The following AMOT variants were observed in gnomAD, a reference collection of about 807,000 sequenced individuals.
AMOT encodes angiomotin.
A neutral mutation model predicts 67.0 loss-of-function variants in AMOT; 11 were observed. The ratio of observed to expected loss-of-function variants is 0.16; its 90% CI spans 0.10 to 0.27. The LOEUF is 0.27. Among genes scored for constraint, AMOT ranks in the 10% least tolerant of loss-of-function variants. The probability of loss-of-function intolerance (pLI) is 1.00; values close to 1 mark genes in which losing one functional copy is unlikely to be tolerated. For missense variants in AMOT, 753 were observed against 852.0 expected (o/e 0.88, Z 1.45); for synonymous variants, 326 against 321.4 (o/e 1.01, Z -0.15).
intron 10 of AMOT, among the ~76,000 whole-genome samples, chrX:112,785,052 G>C (rs1933322145): frequency 8.9e-6 from 1 of 111,789 alleles, no homozygotes; most frequent in South Asian, 3.8e-4. Context: ...GAAGACTAGG[G>C]CTACCAGGCC....
chrX:112,815,914 C>T, intron 4 of AMOT, 37 bp from the exon 5 acceptor site: 1 of 1,144,743 alleles, frequency 8.7e-7, no homozygotes, highest in East Asian at 3.3e-5. Flanking sequence ...GTTAATTTCT[C>T]TCCTAAGGCA....
chrX:112,815,546 G>A lies in AMOT; in HGVS notation c.1204C>T (p.Gln402Ter). Residue 402 changes from glutamine (Q) to a stop codon, truncating the protein, a stop_gained, in exon 5 of 14, where the codon CAG (glutamine) becomes TAG (stop). Coordinates refer to ENST00000371959, the MANE Select transcript of AMOT (RefSeq NM_001113490.2). LOFTEE classifies it high-confidence loss of function. ...ATAGCTGAATAGGCTTCTCCTGGCT[G>A]CTGCTGTGGCTGCTGCTGCTGCTGT... ...QQQQQQQPQQ[Q>*]PGEAYSAMPR... 1 of 1,211,278 alleles carries A rather than the reference G, an allele frequency of 8.3e-7. No homozygotes were observed. The highest frequency in any genetic ancestry group is 1.1e-6 in the Non-Finnish European group (1 of 895,238).
At chrX:112,795,245 T>TGTGTGTG (rs1933762942) in intron 8 of AMOT, among the ~76,000 whole-genome samples, 1 of 94,957 alleles carries the variant, frequency 1.1e-5, no homozygotes, top group African/African-American at 5.1e-5. Flanking sequence ...TCTGTCTCTC[T>TGTGTGTG]CTCTGTGTGT....
In AMOT at chrX:112,804,970, T is replaced by C; in HGVS notation, c.1753A>G (p.Lys585Glu). ...ACCTCTTCTTCCAGCTTTACCACCT[T>C]GGCCTGGGCATTACTCAGGGCCTGA... is the stretch of plus-strand genomic sequence containing the variant. ...RDQALSNAQA[K>E]VVKLEEELKK... Residue 585 changes from lysine (K) to glutamate (E), a missense_variant, in exon 8 of 14, where the codon AAG (lysine) becomes GAG (glutamate). Physicochemically the swap from Lys to Glu is moderately conservative, Grantham distance 56 (BLOSUM62 1). Transcript: ENST00000371959. 3.5e-6 allele frequency: 4 copies of C among 1,127,838 alleles called. No homozygotes were observed. Among genetic ancestry groups the C allele is most frequent in the Non-Finnish European group, 4.8e-6 (4 of 841,840 alleles). 92.9% of individuals were successfully genotyped at this position (1,127,838 alleles called of 1,213,427 possible).
At chrX:112,821,071 G>A (rs1414767952) in intron 4 of AMOT, among the ~76,000 whole-genome samples, 1 of 111,412 alleles carries the variant, frequency 9.0e-6, no homozygotes, top group East Asian at 2.8e-4. Flanking sequence ...GGAAATGCTA[G>A]GTGCCTTCTC....
chrX:112,824,843 G>A (rs1353143394), intron 3 of AMOT, among the ~76,000 whole-genome samples: 1 of 111,119 alleles, frequency 9.0e-6, no homozygotes, highest in Non-Finnish European at 1.9e-5. Context: ...ACTTTTCCCT[G>A]CTCACAAACT....
rs1379198957 is a variant in AMOT, at chrX:112,815,479, G to T, written c.1271C>A (p.Pro424Gln). ...QPSSASYQPV[P>Q]ADPFAIVSRA... ...GGAAACAATGGCAAAAGGGTCTGCT[G>T]GCACTGGCTGATAAGAAGCAGAGGA... Residue 424 changes from proline (P) to glutamine (Q), a missense_variant, in exon 5 of 14, where the codon CCA (proline) becomes CAA (glutamine). Physicochemically the swap from Pro to Gln is moderately conservative, Grantham distance 76. This residue lies in a region of AMOT where 297 missense variants were observed against 284.3 expected (regional missense o/e 1.04). Coordinates refer to ENST00000371959, the MANE Select transcript of AMOT (RefSeq NM_001113490.2). 8.3e-7 allele frequency: 1 copy of T among 1,211,642 alleles called. No homozygotes were observed. The highest frequency in any genetic ancestry group is 2.2e-5 in the Admixed American group (1 of 45,996).
In AMOT at chrX:112,778,650, G is replaced by A. The variant is rs772654717; in HGVS notation, c.3172C>T (p.His1058Tyr). 4.2e-6 allele frequency: 5 copies of A among 1,199,421 alleles called. No individual in the cohort carries two copies. In the South Asian group the frequency reaches 9.2e-5, roughly 22 times the overall value. Reference protein sequence around the residue: ...NPDKTDGPVFHSNTLERKTPI... With the variant: ...NPDKTDGPVFYSNTLERKTPI... ...GTTTTTCTTTCCAGAGTATTGGAGT[G>A]GAACACAGGCCCATCTAAATGGAAA... Residue 1058 changes from histidine to tyrosine, a missense_variant, in exon 14 of 14, where the codon CAC becomes TAC. Coordinates refer to ENST00000371959, the MANE Select transcript of AMOT (RefSeq NM_001113490.2).
intron 1 of AMOT, among the ~76,000 whole-genome samples, chrX:112,835,954 A>G (rs952152427): frequency 1.8e-5 from 2 of 111,797 alleles, no homozygotes; most frequent in African/African-American, 3.3e-5. Context: ...AGAACTATGA[A>G]ATTTGACTAC....
intron 11 of AMOT, among the ~76,000 whole-genome samples, chrX:112,782,076 A>G (rs1365585116): frequency 8.9e-6 from 1 of 111,761 alleles, no homozygotes; most frequent in Non-Finnish European, 1.9e-5. Context: ...TTTAGTAGAG[A>G]CAGGGTTTCA....
At chrX:112,798,035 G>C (rs747181364) in intron 8 of AMOT, among the ~76,000 whole-genome samples, 8 of 111,532 alleles carry the variant, frequency 7.2e-5, no homozygotes, top group African/African-American at 2.6e-4. Context: ...GACCAGAGCT[G>C]CTCTCTTTCA....
Position 112,791,834 on chromosome X carries a change from G to T in AMOT, c.1924C>A (p.Gln642Lys). 8.3e-7 allele frequency: 1 copy of T among 1,210,010 alleles called. No individual in the cohort carries two copies. The highest frequency in any genetic ancestry group is 1.1e-6 in the Non-Finnish European group (1 of 894,698). Residue 642 changes from glutamine (Q) to lysine (K), a missense_variant and splice_region_variant, in exon 9 of 14, where the codon CAG becomes AAG. Physicochemically the swap from Gln to Lys is moderately conservative, Grantham distance 53. This residue lies in a region of AMOT where 66 missense variants were observed against 112.9 expected (regional missense o/e 0.58). Coordinates refer to ENST00000371959, the MANE Select transcript of AMOT (RefSeq NM_001113490.2). ...TTCTTCCTTTAAGTTCTCCATACCT[G>T]CTGGATTCTCAGGGATTCCAGTTCC... is the stretch of plus-strand genomic sequence containing the variant. ...ERELESLRIQ[Q>K]RQGNCQPTNV...
rs1199876737 is a variant in AMOT, at chrX:112,777,239, A to C, written c.*1328T>G. ...CCTTAATGAAGGGCAGACAGGTGAC[A>C]CAGGGCAGGGACCTGTGGCAACTGG... On this transcript the variant is annotated 3_prime_UTR_variant, in exon 14 of 14. Coordinates refer to ENST00000371959, the MANE Select transcript of AMOT (RefSeq NM_001113490.2). The C allele has an allele frequency of 9.0e-6, 1 of 111,163 alleles. No individual in the cohort carries two copies. Among genetic ancestry groups the C allele is most frequent in the Non-Finnish European group, 1.9e-5 (1 of 52,999 alleles). 9.2% of individuals were successfully genotyped at this position (111,163 alleles called of 1,213,427 possible).
chrX:112,827,632 C>T (rs1448126040), intron 2 of AMOT, among the ~76,000 whole-genome samples: 2 of 111,937 alleles, frequency 1.8e-5, no homozygotes, highest in South Asian at 3.7e-4. Context: ...ATCAACTCTT[C>T]TGTAACAACA....
chrX:112,816,312 T>C (rs1416391519), intron 4 of AMOT, among the ~76,000 whole-genome samples: 2 of 111,529 alleles, frequency 1.8e-5, no homozygotes, highest in Non-Finnish European at 3.8e-5. Context: ...GTTTAGAAAC[T>C]ATGTTCCATT....
rs1261849690 is a variant in AMOT at position 112,815,843 on chromosome X, T to C, written c.907A>G (p.Arg303Gly). 3.4e-6 allele frequency: 4 copies of C among 1,166,690 alleles called. No individual in the cohort carries two copies. Among genetic ancestry groups the C allele is most frequent in the Admixed American group, 2.6e-5 (1 of 38,651 alleles). The change falls in exon 5 of 14, where the codon AGG becomes GGG. Residue 303 changes from arginine (R) to glycine (G), a missense_variant. Transcript: ENST00000371959. ...AQDISLPLSA[R>G]NSQPHSPTSS... ...GTAGGGCTGTGAGGCTGCGAGTTCCTGGCTGACAATGGCAATGAGATGTCC... is the reference window on the plus strand; with the variant it reads ...GTAGGGCTGTGAGGCTGCGAGTTCCCGGCTGACAATGGCAATGAGATGTCC...
intron 8 of AMOT, among the ~76,000 whole-genome samples, chrX:112,797,760 G>A (rs192829368): frequency 1.2e-4 from 13 of 109,526 alleles, no homozygotes; most frequent in Admixed American, 1.1e-3. Context: ...CAGCCTGGGC[G>A]ACAGAGAGAG....
At chrX:112,800,433 T>C (rs1482889764) in intron 8 of AMOT, among the ~76,000 whole-genome samples, 1 of 111,889 alleles carries the variant, frequency 8.9e-6, no homozygotes, top group Admixed American at 9.5e-5. Context: ...CTGTATCCTA[T>C]CAATACTCTA....
At position 112,780,423 on chromosome X, in the gene AMOT, CTG is replaced by C. The variant is rs774541914; in HGVS notation, c.2473+461_2473+462del. On this transcript the variant is annotated intron_variant, in intron 12 of 13. Coordinates refer to ENST00000371959, the MANE Select transcript of AMOT (RefSeq NM_001113490.2). ...TACATTCTGTTCTCATCTCACAACACTGTGGGAACAAAACCTGCTACCCAAAC... is the reference window on the plus strand; with the variant it reads ...TACATTCTGTTCTCATCTCACAACACTGGGAACAAAACCTGCTACCCAAAC... The C allele has an allele frequency of 2.0e-3, 268 of 136,307 alleles. 1 individual carries two copies. The highest frequency in any genetic ancestry group is 8.0e-3 in the African/African-American group (255 of 31,998). The allele number at this position is 136,307 out of a possible 1,213,427, so 11.2% of individuals were successfully genotyped here. A position where few individuals can be genotyped will look rare whatever the true frequency, so the allele number is the denominator to read the frequency against.
Sources: allele counts gnomAD v4.1 joint callset (sites outside exome capture counted in the v4.1 genomes callset), GRCh38; gene constraint gnomAD v4.1.1; regional missense constraint gnomAD v4.1.1; transcripts MANE v1.5; gene names NCBI Gene and HGNC (gene_info 2026-07-23, HGNC 2026-07-21).